The following TNKS1BP1 variants were observed in gnomAD, a reference collection of about 807,000 sequenced individuals.
TNKS1BP1 encodes the protein CCR4-NOT transcription complex subunit 12, also known as 182 kDa tankyrase-1-binding protein.
TNKS1BP1 carries 48 observed loss-of-function variants against 141.1 expected under a neutral mutation model. The ratio of observed to expected loss-of-function variants is 0.34; its 90% CI spans 0.27 to 0.43. The LOEUF is 0.43. Among genes scored for constraint, TNKS1BP1 ranks in the 20% least tolerant of loss-of-function variants. The pLI is 1.00. For missense variants in TNKS1BP1, 2,149 were observed against 2,226.0 expected, an observed-to-expected ratio of 0.97 and a Z score of 0.70; for synonymous variants, 875 against 898.2, an observed-to-expected ratio of 0.97 and a Z score of 0.46.
At chr11:57,308,190 T>G (rs1855641757) in intron 6 of TNKS1BP1, among the ~76,000 whole-genome samples, 1 of 152,224 alleles carries the variant, frequency 6.6e-6, no homozygotes, top group South Asian at 2.1e-4. Context: ...TTAGTCATCC[T>G]TCAAAAAAGG....
At chr11:57,320,027 A>AGACCC in intron 3 of TNKS1BP1, 52 bp downstream of exon 3, 1 of 578,376 alleles carries the variant, frequency 1.7e-6, no homozygotes, top group Non-Finnish European at 2.8e-6. Context: ...ACCCAATCCC[A>AGACCC]CCCCACCTGA....
chr11:57,314,056 C>G (rs1174904224), intron 4 of TNKS1BP1, among the ~76,000 whole-genome samples, 167 bp from the exon 5 acceptor site: 1 of 152,184 alleles, frequency 6.6e-6, no homozygotes, highest in Non-Finnish European at 1.5e-5. Flanking sequence ...CCACAGACGA[C>G]TCAAGGCAGG....
intron 2 of TNKS1BP1, among the ~76,000 whole-genome samples, chr11:57,321,480 C>A (rs1474720792): frequency 6.6e-6 from 1 of 152,218 alleles, no homozygotes; most frequent in Non-Finnish European, 1.5e-5. Context: ...TGGGTTCAAA[C>A]TCCCACTTGT....
At chr11:57,315,454 A>G (rs1304315218) in intron 4 of TNKS1BP1, among the ~76,000 whole-genome samples, 2 of 151,964 alleles carry the variant, frequency 1.3e-5, no homozygotes, top group Admixed American at 6.6e-5. Flanking sequence ...CAGCTCTCCA[A>G]TACAGCTGGG....
intron 10 of TNKS1BP1, 36 bp from the exon 11 acceptor site, chr11:57,300,636 T>G: frequency 6.2e-7 from 1 of 1,613,646 alleles, no homozygotes; most frequent in Non-Finnish European, 8.5e-7. Context: ...GAATGCAAAC[T>G]TTGAGGAAAC....
chr11:57,301,098 A>C, intron 9 of TNKS1BP1, 57 bp from the exon 10 acceptor site: 1 of 1,503,730 alleles, frequency 6.7e-7, no homozygotes, highest in Non-Finnish European at 8.9e-7. Context: ...TAGGACTCTC[A>C]GGGGGTAAGA....
At chr11:57,301,170 C>G (rs1024495519) in intron 9 of TNKS1BP1, 129 bp from the exon 10 acceptor site, 14 of 1,000,190 alleles carry the variant, frequency 1.4e-5, no homozygotes, top group Admixed American at 8.9e-5. Flanking sequence ...GTCCTTTCAC[C>G]CCAAAGGATG....
Position 57,317,916 on chromosome 11 carries a change from G to A in TNKS1BP1, c.729-29C>T, listed in dbSNP as rs763528229. ...TGAGGGACGAGGACAGGAAATGGAA[G>A]CACGGAATGTTAGAGTCTGTCACAG... is the stretch of plus-strand genomic sequence containing the variant. On this transcript the variant is annotated intron_variant, in intron 3 of 11. Transcript: ENST00000358252. The A allele has an allele frequency of 2.5e-6, 4 of 1,606,792 alleles. No individual in the cohort carries two copies. In the African/African-American group the frequency reaches 4.0e-5, roughly 16 times the overall value.
At chr11:57,322,660 G>A (rs1288875085) in intron 1 of TNKS1BP1, among the ~76,000 whole-genome samples, 1 of 152,212 alleles carries the variant, frequency 6.6e-6, no homozygotes, top group Non-Finnish European at 1.5e-5. Context: ...CCATAGCAAT[G>A]GCCTCCCACT....
At chr11:57,313,979 CT>C (rs1855760113) in intron 4 of TNKS1BP1, 90 bp from the exon 5 acceptor site, 1 of 1,330,488 alleles carries the variant, frequency 7.5e-7, no homozygotes, top group Non-Finnish European at 9.6e-7. Flanking sequence ...CCCAGGTCAG[CT>C]TCTCCCAGGC....
chr11:57,302,102 C>T lies in TNKS1BP1; in HGVS notation c.4806G>A (p.Ser1602=), dbSNP rs768101629. ...GTLGLSEAAD[S]DAHLFQDSTE... is the part of the protein sequence containing the mutation. ...TAGAGTCCTGGAACAGGTGTGCATC[C>T]GAGTCTGCTGCCTCCGACAGGCCCA... Residue 1602 remains serine, a synonymous_variant, in exon 8 of 12, where the codon TCG becomes TCA. Transcript: ENST00000358252. The surrounding 1 kb of genome is among the most constrained non-coding windows in gnomAD (Gnocchi z 5.5). 4.3e-6 allele frequency: 7 copies of T among 1,613,756 alleles called. No individual in the cohort carries two copies. The highest frequency in any genetic ancestry group is 1.3e-5 in the African/African-American group (1 of 74,910).
At chr11:57,314,109 G>A (rs771482407) in intron 4 of TNKS1BP1, among the ~76,000 whole-genome samples, 7 of 152,144 alleles carry the variant, frequency 4.6e-5, no homozygotes, top group African/African-American at 9.7e-5. Context: ...CCCAGAATGC[G>A]CCTATCCTTA....
At chr11:57,311,439 CCGCGCTGGGACCTGTCCGACGGCTCTGG>C in intron 5 of TNKS1BP1, 1 of 985,828 alleles carries the variant, frequency 1.0e-6, no homozygotes, top group Non-Finnish European at 1.2e-6. Flanking sequence ...GGGCTGCTAC[CCGCGCTGGGACCTGTCCGACGGCTCTGG>C]CGCTGGCTCT....
Position 57,313,644 on chromosome 11 carries a change from G to A in TNKS1BP1, c.1044C>T (p.Ser348=), listed in dbSNP as rs1260894689. 1 of 1,563,064 alleles carries A rather than the reference G, an allele frequency of 6.4e-7. No homozygotes were observed. Among genetic ancestry groups the A allele is most frequent in the Admixed American group, 1.9e-5 (1 of 52,338 alleles). ...APSAALPDEG[S]RHTPSPGLPA... ...GGAGCCCCGGGCTGGGGGTGTGGCG[G>A]GAGCCCTCGTCAGGCAGGGCTGCAC... The change falls in exon 5 of 12, where the codon TCC becomes TCT. Residue 348 remains serine (S), a synonymous_variant. Transcript: ENST00000358252.
At chr11:57,323,085 T>C (rs1855912303) in intron 1 of TNKS1BP1, among the ~76,000 whole-genome samples, 2 of 152,134 alleles carry the variant, frequency 1.3e-5, no homozygotes, top group South Asian at 4.1e-4. Context: ...TTACATGAAA[T>C]AGTACATGAA....
Position 57,309,053 on chromosome 11 carries a change from T to C in TNKS1BP1, c.3658A>G (p.Ile1220Val), listed in dbSNP as rs746146707. The C allele has an allele frequency of 2.5e-6, 4 of 1,614,132 alleles. No homozygotes were observed. Among genetic ancestry groups the C allele is most frequent in the Non-Finnish European group, 2.5e-6 (3 of 1,180,030 alleles). Reference protein sequence around the residue: ...ESGGSEEPGGIGVGEKDWTSD... With the variant: ...ESGGSEEPGGVGVGEKDWTSD... ...GTCCAGTCCTTCTCCCCAACTCCGATTCCCCCCGGCTCTTCAGACCCTCCA... is the reference window on the plus strand; with the variant it reads ...GTCCAGTCCTTCTCCCCAACTCCGACTCCCCCCGGCTCTTCAGACCCTCCA... The change falls in exon 6 of 12, where the codon ATC becomes GTC. Residue 1220 changes from isoleucine (I) to valine (V), a missense_variant. Transcript: ENST00000358252. The surrounding 1 kb of genome is among the most constrained non-coding windows in gnomAD (Gnocchi z 4.3).
At position 57,310,563 on chromosome 11, in the gene TNKS1BP1, A is replaced by G; in HGVS notation, c.2155-7T>C. On this transcript the variant is annotated splice_region_variant and splice_polypyrimidine_tract_variant and intron_variant, in intron 5 of 11. Transcript: ENST00000358252. ...GGGACCAGCCAAGGAGTCCCTGGGA[A>G]TAAGAAAAAAAAACAGACAAAGAAA... The G allele has an allele frequency of 6.3e-7, 1 of 1,586,456 alleles. No homozygotes were observed. Among genetic ancestry groups the G allele is most frequent in the East Asian group, 2.2e-5 (1 of 44,710 alleles).
Position 57,302,170 on chromosome 11 carries a change from TGC to T in TNKS1BP1, c.4736_4737del (p.Arg1579GlnfsTer44). On this transcript the variant is annotated frameshift_variant, in exon 8 of 12. Transcript: ENST00000358252. LOFTEE classifies it high-confidence loss of function. The surrounding 1 kb of genome is among the most constrained non-coding windows in gnomAD (Gnocchi z 5.5). ...AMYRSRANLG[R>X]KRGHRAPVIR... is the part of the protein sequence containing the mutation. ...ATGACCGGGGCCCGGTGCCCACGCT[TGC>T]GCCCCAAGTTGGCACGGCTCCGATA... The T allele has an allele frequency of 6.2e-7, 1 of 1,613,288 alleles. No individual in the cohort carries two copies. Among genetic ancestry groups the T allele is most frequent in the Non-Finnish European group, 8.5e-7 (1 of 1,179,960 alleles).
intron 3 of TNKS1BP1, among the ~76,000 whole-genome samples, chr11:57,318,914 G>A (rs1855837368): frequency 6.6e-6 from 1 of 152,194 alleles, no homozygotes; most frequent in Non-Finnish European, 1.5e-5. Context: ...GGAGGCCGAG[G>A]CAGGCAGATC....
Sources: gnomAD v4.1 joint callset for allele counts (sites outside exome capture counted in the v4.1 genomes callset) on GRCh38, gnomAD v4.1.1 for gene constraint, Gnocchi (gnomAD v3.1) non-coding constraint, MANE v1.5 for transcripts, NCBI Gene and HGNC (gene_info 2026-07-23, HGNC 2026-07-21) for gene names.